Variants in RPL31 observed in about 807,000 individuals in gnomAD.
The protein encoded by RPL31 is large ribosomal subunit protein eL31.
For missense variants in RPL31, 95 were observed against 164.0 expected (o/e 0.58, Z 2.30); for synonymous variants, 51 against 55.0 (o/e 0.93, Z 0.32).
At chr2:101,013,456 A>C (rs1204186680) in intron 4 of RPL31, among the ~76,000 whole-genome samples, 1 of 152,350 alleles carries the variant, frequency 6.6e-6, no homozygotes, top group East Asian at 1.9e-4. Flanking sequence ...ATGGATTGAC[A>C]GACAATTTCT....
downstream of RPL31, among the ~76,000 whole-genome samples, chr2:101,009,122 G>A (rs1448521184): frequency 2.6e-5 from 4 of 151,778 alleles, no homozygotes; most frequent in South Asian, 2.1e-4. Flanking sequence ...GGCCGGGTGC[G>A]GTGGCTCATG....
chr2:101,016,054 A>G (rs1385240514), intron 4 of RPL31, among the ~76,000 whole-genome samples: 10 of 151,972 alleles, frequency 6.6e-5, no homozygotes, highest in Admixed American at 1.3e-4. Flanking sequence ...AATGGCAACA[A>G]AAGCCAAAAT....
chr2:101,005,078 T>C (rs371982436), intron 3 of RPL31: 6 of 152,346 alleles, frequency 3.9e-5, no homozygotes, highest in African/African-American at 2.4e-5. Flanking sequence ...TGGGTGGACA[T>C]TGAAGGGTGC....
At chr2:101,005,892 A>G (rs1232637755) in intron 3 of RPL31, 67 bp from the exon 4 acceptor site, 2 of 1,338,840 alleles carry the variant, frequency 1.5e-6, no homozygotes, top group Non-Finnish European at 2.1e-6. Flanking sequence ...AGATATGTGA[A>G]TACAGCTAGT....
At chr2:101,010,865 G>C (rs772829922), downstream of RPL31, 20 of 1,384,482 alleles carry the variant, frequency 1.4e-5, no homozygotes, top group South Asian at 2.4e-5. Flanking sequence ...CTGGGCGACA[G>C]AGCGAGACTC....
downstream of RPL31, chr2:101,011,656 G>A (rs1679223609): frequency 4.6e-6 from 5 of 1,079,600 alleles, no homozygotes; most frequent in Admixed American, 4.1e-5. Flanking sequence ...CCTGTGGACT[G>A]TAGTTTTTGC....
At chr2:101,008,366 A>G (rs1023700289), downstream of RPL31, 37 of 1,026,038 alleles carry the variant, frequency 3.6e-5, no homozygotes, top group Non-Finnish European at 4.4e-5. Flanking sequence ...AGAAAACGAC[A>G]CAGTATTTTT....
chr2:101,015,415 A>G (rs1244671314), intron 4 of RPL31, among the ~76,000 whole-genome samples: 1 of 152,192 alleles, frequency 6.6e-6, no homozygotes, highest in Non-Finnish European at 1.5e-5. Context: ...CATTTTAAAA[A>G]TATTCTTCTT....
At chr2:101,015,917 T>A (rs867391521) in intron 4 of RPL31, among the ~76,000 whole-genome samples, 57 of 151,952 alleles carry the variant, frequency 3.8e-4, no homozygotes, top group Middle Eastern at 3.4e-3. Context: ...TATACAAAAA[T>A]TAATTCAAGA....
chr2:101,011,282 A>AC (rs1225415103), downstream of RPL31: 1 of 741,288 alleles, frequency 1.3e-6, no homozygotes, highest in South Asian at 1.9e-5. Flanking sequence ...ACCCAGCAAC[A>AC]CCCCCACTAG....
At chr2:101,016,750 AAT>A (rs1433224555) in intron 4 of RPL31, among the ~76,000 whole-genome samples, 2 of 152,218 alleles carry the variant, frequency 1.3e-5, no homozygotes, top group African/African-American at 4.8e-5. Flanking sequence ...AGCCATAAAA[AAT>A]GATGAGTTCA....
At chr2:101,003,714 C>T (rs1186431468) in intron 2 of RPL31, among the ~76,000 whole-genome samples, 1 of 152,218 alleles carries the variant, frequency 6.6e-6, no homozygotes, top group Non-Finnish European at 1.5e-5. Context: ...GACCTGCCTG[C>T]ACACTTCAGG....
intron 4 of RPL31, among the ~76,000 whole-genome samples, chr2:101,017,501 G>A (rs781561075): frequency 6.6e-6 from 1 of 152,174 alleles, no homozygotes; most frequent in South Asian, 2.1e-4. Flanking sequence ...GAATTTTTCA[G>A]TCTCGCTGTA....
chr2:101,010,603 G>A (rs1679129444), downstream of RPL31, among the ~76,000 whole-genome samples: 1 of 152,060 alleles, frequency 6.6e-6, no homozygotes, highest in African/African-American at 2.4e-5. Context: ...GTTAATTCTC[G>A]GTCGGGCGCG....
chr2:101,005,730 T>C lies in RPL31; in HGVS notation c.234-229T>C, dbSNP rs1035348843. 6.0e-5 allele frequency: 33 copies of C among 549,740 alleles called. 1 individual carries two copies. In the Admixed American group the frequency reaches 1.2e-3, roughly 19 times the overall value. 34.1% of individuals were successfully genotyped at this position (549,740 alleles called of 1,614,324 possible). ...TTAGGATTAACCGGTTGGGTATCAA[T>C]GGTGGCTACCTTAACATGTCTTCAA... On this transcript the variant is annotated intron_variant, in intron 3 of 4. Coordinates refer to ENST00000264258, the MANE Select transcript of RPL31 (RefSeq NM_000993.5).
chr2:101,009,709 A>T (rs1573848320), downstream of RPL31, among the ~76,000 whole-genome samples: 1 of 152,076 alleles, frequency 6.6e-6, no homozygotes, highest in African/African-American at 2.4e-5. Flanking sequence ...TAATCCCACA[A>T]GATGTTTTGT....
At chr2:101,018,696 C>A (rs1679834166) in intron 4 of RPL31, among the ~76,000 whole-genome samples, 1 of 152,210 alleles carries the variant, frequency 6.6e-6, no homozygotes, top group South Asian at 2.1e-4. Flanking sequence ...TGTGAGGGGT[C>A]CTCATAGGTT....
intron 3 of RPL31, chr2:101,005,717 G>A (rs1678704129): frequency 3.8e-6 from 2 of 526,656 alleles, no homozygotes; most frequent in African/African-American, 1.9e-5. Flanking sequence ...AGGATTAACC[G>A]GTTGGGTATC....
chr2:101,011,140 C>A, downstream of RPL31: 1 of 1,007,092 alleles, frequency 9.9e-7, no homozygotes, highest in Non-Finnish European at 1.5e-6. Flanking sequence ...TAAGCAAATT[C>A]CATACAAAAC....
Sources: gnomAD v4.1 joint callset for allele counts (sites outside exome capture counted in the v4.1 genomes callset) on GRCh38, gnomAD v4.1.1 for gene constraint, MANE v1.5 for transcripts, NCBI Gene and HGNC (gene_info 2026-07-23, HGNC 2026-07-21) for gene names.